The following TOR2A variants were observed in gnomAD, a reference collection of about 807,000 sequenced individuals.
TOR2A encodes the protein prosalusin.
A neutral mutation model predicts 28.6 loss-of-function variants in TOR2A; 24 were observed. The ratio of observed to expected loss-of-function variants is 0.84; its 90% CI spans 0.61 to 1.18. The LOEUF (loss-of-function observed/expected upper bound fraction) is 1.18, where lower values mean the gene tolerates loss of function less well. TOR2A is among the 50% of genes most tolerant of loss of function. TOR2A has a pLI of 0.00. For synonymous variants in TOR2A, 203 were observed against 203.1 expected (o/e 1.00, Z 0.00); for missense variants, 426 against 448.1 (o/e 0.95, Z 0.45).
Position 127,735,271 on chromosome 9 carries a change from C to A in TOR2A, c.-1G>T. ...GGCAGCCGCGCGTCGCAGCCGCCAT[C>A]CGGGTGAGGCCCGAGCTCGTTGTGG... On this transcript the variant is annotated 5_prime_UTR_variant, in exon 1 of 5. Coordinates refer to ENST00000373284, the MANE Select transcript of TOR2A (RefSeq NM_001085347.3). 1 of 1,389,162 alleles carries A rather than the reference C, an allele frequency of 7.2e-7. No homozygotes were observed. The highest frequency in any genetic ancestry group is 9.3e-7 in the Non-Finnish European group (1 of 1,081,018). The allele number at this position is 1,389,162 out of a possible 1,614,324, so 86.1% of individuals were successfully genotyped here.
rs372814464 is a variant in TOR2A, at chr9:127,733,409, C to T, written c.569G>A (p.Arg190His). 1.0e-4 allele frequency: 164 copies of T among 1,613,684 alleles called. No homozygotes were observed. The highest frequency in any genetic ancestry group is 8.2e-4 in the Middle Eastern group (5 of 6,084). ...SSWVVYGTNY[R>H]KAIFIFISNT... ...CCTGATGAAGATGAAGATGGCTTTG[C>T]GGTAATTGGTCCCGTATACCACCCA... Residue 190 changes from arginine (R) to histidine (H), a missense_variant, in exon 3 of 5, where the codon CGC (arginine) becomes CAC (histidine). Physicochemically the swap from Arg to His is conservative, Grantham distance 29. Coordinates refer to ENST00000373284, the MANE Select transcript of TOR2A (RefSeq NM_001085347.3).
At position 127,732,675 on chromosome 9, in the gene TOR2A, G is replaced by A; in HGVS notation, c.610C>T (p.Gln204Ter). The change falls in exon 4 of 5, where the codon CAG (glutamine) becomes TAG (stop). Residue 204 changes from glutamine (Q) to a stop codon, truncating the protein, a stop_gained. Coordinates refer to ENST00000373284, the MANE Select transcript of TOR2A (RefSeq NM_001085347.3). LOFTEE classifies it high-confidence loss of function. ...FIFISNTGGKQINQVALEAWR... is the reference protein window; with the variant it reads ...FIFISNTGGK ...GCCTCCAATGCCACCTGGTTGATCT[G>A]CTTGCCACCCGTGTTGCTAAAACCA... 1 of 1,567,646 alleles carries A rather than the reference G, an allele frequency of 6.4e-7. No individual in the cohort carries two copies.
chr9:127,734,958 G>T, intron 1 of TOR2A, 162 bp downstream of exon 1: 1 of 1,111,566 alleles, frequency 9.0e-7, no homozygotes, highest in Non-Finnish European at 1.2e-6. Context: ...GGACCTCAAC[G>T]GGTACCCTCC....
chr9:127,733,192 T>G (rs1349719948), intron 3 of TOR2A, 193 bp downstream of exon 3: 2 of 1,583,846 alleles, frequency 1.3e-6, no homozygotes, highest in African/African-American at 2.7e-5. Context: ...AGCCCAGAAT[T>G]TGCTGAGAAT....
chr9:127,731,959 G>A lies in TOR2A; in HGVS notation c.*75C>T. 6.5e-7 allele frequency: 1 copy of A among 1,539,014 alleles called. No homozygotes were observed. Among genetic ancestry groups the A allele is most frequent in the Non-Finnish European group, 8.7e-7 (1 of 1,144,440 alleles). ...CCGTTCATCTCACTTGGTGCTCTGG[G>A]TTCCTGTGACAGAGGCCCCTGGCCT... On this transcript the variant is annotated 3_prime_UTR_variant, in exon 5 of 5. Transcript: ENST00000373284.
chr9:127,733,746 C>G (rs1433639431), intron 2 of TOR2A, 186 bp from the exon 3 acceptor site: 21 of 621,080 alleles, frequency 3.4e-5, no homozygotes, highest in South Asian at 6.2e-5. Context: ...CAAAGTCACA[C>G]AGCCAGTCAG....
At position 127,735,196 on chromosome 9, in the gene TOR2A, G is replaced by A. The variant is rs1298620447; in HGVS notation, c.75C>T (p.Ala25=). Residue 25 remains alanine (A), a synonymous_variant, in exon 1 of 5, where the codon GCC becomes GCT. Coordinates refer to ENST00000373284, the MANE Select transcript of TOR2A (RefSeq NM_001085347.3). ...LGLLGLVSAA[A]AAWDLASLRC... is the part of the protein sequence containing the mutation. ...GCAGGGAAGCCAGGTCCCAGGCGGC[G>A]GCCGCGGCCGAGACCAGCCCGAGCA... The A allele has an allele frequency of 6.8e-7, 1 of 1,481,070 alleles. No homozygotes were observed. Among genetic ancestry groups the A allele is most frequent in the Admixed American group, 2.4e-5 (1 of 42,352 alleles). 91.7% of individuals were successfully genotyped at this position (1,481,070 alleles called of 1,614,324 possible).
intron 2 of TOR2A, 171 bp from the exon 3 acceptor site, chr9:127,733,731 T>C (rs1844568614): frequency 1.5e-6 from 1 of 657,058 alleles, no homozygotes; most frequent in South Asian, 2.0e-5. Context: ...GGGCAGAGAC[T>C]TGCCCAAAGT....
intron 2 of TOR2A, chr9:127,733,915 A>T (rs1291888814): frequency 2.4e-6 from 1 of 408,496 alleles, no homozygotes. Flanking sequence ...CCCTGCAATC[A>T]ACAACAGTAG....
chr9:127,733,526 G>A lies in TOR2A; in HGVS notation c.452C>T (p.Thr151Ile). The A allele has an allele frequency of 1.2e-6, 2 of 1,613,628 alleles. No homozygotes were observed. Among genetic ancestry groups the A allele is most frequent in the South Asian group, 1.1e-5 (1 of 91,076 alleles). The change falls in exon 3 of 5, where the codon ACT becomes ATT. Residue 151 changes from threonine to isoleucine, a missense_variant. By Grantham distance (89) the Thr-to-Ile change is moderately conservative. Coordinates refer to ENST00000373284, the MANE Select transcript of TOR2A (RefSeq NM_001085347.3). ...DLKSWVQGNL[T>I]ACGRSLFLFD... ...GAGGAAGAGGGAGCGGCCACAGGCA[G>A]TGAGGTTCCCTTGGACCCAGCTCTT...
In TOR2A at chr9:127,731,619, T is replaced by C; in HGVS notation, c.*415A>G. The C allele has an allele frequency of 1.7e-6, 2 of 1,147,302 alleles. No homozygotes were observed. The highest frequency in any genetic ancestry group is 2.4e-6 in the Non-Finnish European group (2 of 849,168). The allele number at this position is 1,147,302 out of a possible 1,614,324, so 71.1% of individuals were successfully genotyped here. Reference sequence around the variant, plus strand: ...AAGTGGCAGCTTGAGTCCCTCCATTTCTGGAAACTGAGAAGGCTCCACCTG... The same window carrying C: ...AAGTGGCAGCTTGAGTCCCTCCATTCCTGGAAACTGAGAAGGCTCCACCTG... On this transcript the variant is annotated 3_prime_UTR_variant, in exon 5 of 5. Transcript: ENST00000373284.
Position 127,731,965 on chromosome 9 carries a change from G to C in TOR2A, c.*69C>G. 2 of 1,542,502 alleles carry C rather than the reference G, an allele frequency of 1.3e-6. No homozygotes were observed. Among genetic ancestry groups the C allele is most frequent in the Non-Finnish European group, 1.7e-6 (2 of 1,145,922 alleles). Reference sequence around the variant, plus strand: ...ATCTCACTTGGTGCTCTGGGTTCCTGTGACAGAGGCCCCTGGCCTTTCCTG... The same window carrying C: ...ATCTCACTTGGTGCTCTGGGTTCCTCTGACAGAGGCCCCTGGCCTTTCCTG... On this transcript the variant is annotated 3_prime_UTR_variant, in exon 5 of 5. Transcript: ENST00000373284.
chr9:127,733,012 A>G (rs1323979215), intron 3 of TOR2A: 1 of 1,381,750 alleles, frequency 7.2e-7, no homozygotes, highest in Non-Finnish European at 9.5e-7. Flanking sequence ...AGGCTCAGAG[A>G]GGCGGAGCCA....
chr9:127,733,392 A>G lies in TOR2A; in HGVS notation c.586T>C (p.Phe196Leu), dbSNP rs750524674. The G allele has an allele frequency of 4.3e-6, 7 of 1,613,876 alleles. No individual in the cohort carries two copies. Among genetic ancestry groups the G allele is most frequent in the Non-Finnish European group, 5.9e-6 (7 of 1,180,016 alleles). Residue 196 changes from phenylalanine (F) to leucine (L), a missense_variant, in exon 3 of 5, where the codon TTC becomes CTC. By Grantham distance (22) the Phe-to-Leu change is conservative. Transcript: ENST00000373284. ...TGCAAAGCCGGGCCCCACCTGATGA[A>G]GATGAAGATGGCTTTGCGGTAATTG... ...GTNYRKAIFIFISNTGGKQIN... is the reference protein window; with the variant it reads ...GTNYRKAIFILISNTGGKQIN...
rs1313461566 is a variant in TOR2A, at chr9:127,734,412, CAT to C, written c.302_303del (p.Tyr101CysfsTer61). 2.8e-5 allele frequency: 45 copies of C among 1,612,506 alleles called. No individual in the cohort carries two copies. The highest frequency in any genetic ancestry group is 3.3e-5 in the Admixed American group (2 of 59,954). On this transcript the variant is annotated frameshift_variant, in exon 2 of 5. Coordinates refer to ENST00000373284, the MANE Select transcript of TOR2A (RefSeq NM_001085347.3). LOFTEE classifies it high-confidence loss of function. ...AGGTAGTGCGCCAGCAGGGAGCTGA[CAT>C]AGGATTTGCCGGTGCCGGTCCAGCC... is the stretch of plus-strand genomic sequence containing the variant. ...LHGWTGTGKS[Y>X]VSSLLAHYLF...
At chr9:127,734,588 G>A in intron 1 of TOR2A, 24 bp from the exon 2 acceptor site, 1 of 1,477,670 alleles carries the variant, frequency 6.8e-7, no homozygotes, top group Non-Finnish European at 9.0e-7. Flanking sequence ...AGGATGGTGA[G>A]GACACATCCC....
In TOR2A at chr9:127,732,226, C is replaced by T. The variant is rs56087017; in HGVS notation, c.774G>A (p.Val258=). The T allele has an allele frequency of 1.9e-6, 3 of 1,609,072 alleles. No homozygotes were observed. Among genetic ancestry groups the T allele is most frequent in the Non-Finnish European group, 2.5e-6 (3 of 1,177,064 alleles). ...IMEERLLDAV[V]PFLPLQRHHV... ...GGTGCCGCTGGAGCGGGAGGAAGGG[C>T]ACCACTGCGTCTAGGAGGCGCTCTT... Residue 258 remains valine (V), a synonymous_variant, in exon 5 of 5, where the codon GTG becomes GTA. Coordinates refer to ENST00000373284, the MANE Select transcript of TOR2A (RefSeq NM_001085347.3).
rs1844444191 is a variant in TOR2A, at chr9:127,731,933, T to C, written c.*101A>G. On this transcript the variant is annotated 3_prime_UTR_variant, in exon 5 of 5. Coordinates refer to ENST00000373284, the MANE Select transcript of TOR2A (RefSeq NM_001085347.3). The stretch of plus-strand genomic sequence containing the variant: ...ATCTGTCCCGTGGCCTAGCCGACAC[T>C]CCGTTCATCTCACTTGGTGCTCTGG... The C allele has an allele frequency of 8.6e-6, 13 of 1,516,474 alleles. No individual in the cohort carries two copies. Among genetic ancestry groups the C allele is most frequent in the South Asian group, 4.0e-5 (3 of 74,994 alleles). 93.9% of individuals were successfully genotyped at this position (1,516,474 alleles called of 1,614,324 possible).
intron 3 of TOR2A, 60 bp from the exon 4 acceptor site, chr9:127,732,751 G>T (rs1844504181): frequency 6.5e-7 from 1 of 1,527,746 alleles, no homozygotes; most frequent in Non-Finnish European, 8.8e-7. Context: ...GGCAGGATTG[G>T]ACCCTCGCTT....
Sources: gnomAD v4.1 joint callset for allele counts on GRCh38, gnomAD v4.1.1 for gene constraint, MANE v1.5 for transcripts, NCBI Gene and HGNC (gene_info 2026-07-23, HGNC 2026-07-21) for gene names.